ANK2: variants seen among roughly 807,000 people sequenced by gnomAD.
ANK2 encodes the protein ankyrin-2.
ANK2 carries 83 observed loss-of-function variants against 360.5 expected under a neutral mutation model. The observed-to-expected ratio is 0.23, with a 90% CI of 0.19 to 0.28. The LOEUF (loss-of-function observed/expected upper bound fraction) is 0.28. Ranked by LOEUF, ANK2 falls within the 10% of genes least tolerant of loss-of-function variation. The pLI is 1.00. For synonymous variants in ANK2, 1,740 were observed against 1,759.5 expected (o/e 0.99, Z 0.28); for missense variants, 4,201 against 4,795.7 (o/e 0.88, Z 3.66).
chr4:113,252,595 C>T (rs1246359220), intron 10 of ANK2, among the ~76,000 whole-genome samples: 1 of 152,140 alleles, frequency 6.6e-6, no homozygotes, highest in East Asian at 1.9e-4. Flanking sequence ...CTGTGTCTAA[C>T]TTCACACTTG....
rs2097753505 is a variant in ANK2 at position 113,166,249 on chromosome 4, A to G, written c.85-8167A>G. Among the ~76,000 whole-genome samples the G allele has an allele frequency of 2.0e-5, 3 of 152,236 alleles. No homozygotes were observed. The South Asian group carries it at 6.2e-4, about 32-fold the overall frequency. On this transcript the variant is annotated intron_variant, in intron 1 of 45. Coordinates refer to ENST00000357077, the MANE Select transcript of ANK2 (RefSeq NM_001148.6). The stretch of plus-strand genomic sequence containing the variant: ...TGAAAGATTTTGTTGCCTCATTGTC[A>G]TTAACATTTTAGTAACTGGCATAGT...
At position 113,105,347 on chromosome 4, in the gene ANK2, A is replaced by G. The variant is rs563576397; in HGVS notation, c.84+55535A>G. 2.6e-5 allele frequency among the ~76,000 whole-genome samples: 4 copies of G among 152,266 alleles called. No individual in the cohort carries two copies. In the South Asian group the frequency reaches 8.3e-4, roughly 32 times the overall value. ...GTCAGTATCAAGTGGTGAGGATAGG[A>G]AAGTTGAAGAGACTGTGGACCAGGC... On this transcript the variant is annotated intron_variant, in intron 1 of 45. Coordinates refer to ENST00000357077, the MANE Select transcript of ANK2 (RefSeq NM_001148.6).
chr4:112,853,041 T>C (rs28405251), intron 1 of ANK2, among the ~76,000 whole-genome samples: 11,349 of 152,204 alleles, frequency 0.075, 642 homozygotes, highest in African/African-American at 0.16. Context: ...CGCTACAGCC[T>C]CAACTGCAAA....
At chr4:112,878,446 C>T (rs1395203027) in intron 1 of ANK2, among the ~76,000 whole-genome samples, 1 of 152,166 alleles carries the variant, frequency 6.6e-6, no homozygotes, top group East Asian at 1.9e-4. Flanking sequence ...CCTGCCTCAG[C>T]CTCCCGAGTA....
chr4:113,094,417 A>G (rs1237777307), intron 1 of ANK2, among the ~76,000 whole-genome samples: 3 of 152,218 alleles, frequency 2.0e-5, no homozygotes, highest in Non-Finnish European at 2.9e-5. Flanking sequence ...ACAAATTTTG[A>G]TACTTATCTG....
rs768496678 is a variant in ANK2 at position 113,274,515 on chromosome 4, C to T, written c.1549C>T (p.Leu517=). Residue 517 remains leucine (L), a synonymous_variant, in exon 15 of 46, where the codon CTA becomes TTA. Transcript: ENST00000357077. The part of the protein sequence containing the change: ...LGKTEIVQLL[L]QHMAHPDAAT... The stretch of plus-strand genomic sequence containing the variant: ...TAAGACAGAAATTGTCCAGCTGCTT[C>T]TACAACATATGGCTCATCCAGATGC... 4.3e-6 allele frequency: 7 copies of T among 1,614,226 alleles called. No individual in the cohort carries two copies. The highest frequency in any genetic ancestry group is 5.9e-6 in the Non-Finnish European group (7 of 1,180,042).
intron 26 of ANK2, among the ~76,000 whole-genome samples, chr4:113,329,658 A>G (rs1324685608): frequency 6.6e-6 from 1 of 152,210 alleles, no homozygotes; most frequent in Non-Finnish European, 1.5e-5. Flanking sequence ...TCAATAAGTT[A>G]AAAAGTACAT....
intron 2 of ANK2, among the ~76,000 whole-genome samples, chr4:113,184,608 T>A (rs1169686426): frequency 1.3e-5 from 2 of 152,140 alleles, no homozygotes; most frequent in Admixed American, 1.3e-4. Flanking sequence ...TCCTGGTTAT[T>A]TTCTTTGTGC....
the ANK2 span, among the ~76,000 whole-genome samples, chr4:112,720,652 C>T: frequency 6.6e-6 from 1 of 152,126 alleles, no homozygotes. Context: ...ATAACAGGTG[C>T]TCAATGAATA....
chr4:113,316,525 T>A (rs2083068822), intron 24 of ANK2, among the ~76,000 whole-genome samples: 1 of 152,216 alleles, frequency 6.6e-6, no homozygotes, highest in Non-Finnish European at 1.5e-5. Flanking sequence ...TAATTTAACA[T>A]TTAGTCCATA....
chr4:113,140,659 T>A (rs1454887516), intron 1 of ANK2, among the ~76,000 whole-genome samples: 7 of 152,176 alleles, frequency 4.6e-5, no homozygotes, highest in Non-Finnish European at 8.8e-5. Flanking sequence ...TCAGTCTTTT[T>A]AATATGATAG....
At chr4:113,030,367 C>T (rs2060140708) in intron 2 of ANK2, among the ~76,000 whole-genome samples, 2 of 152,080 alleles carry the variant, frequency 1.3e-5, no homozygotes, top group Non-Finnish European at 2.9e-5. Context: ...TTTTCCGTAG[C>T]TCAATTCCTT....
chr4:112,972,433 A>C (rs1313112290), intron 2 of ANK2, among the ~76,000 whole-genome samples: 5 of 151,844 alleles, frequency 3.3e-5, no homozygotes, highest in Admixed American at 3.3e-4. Flanking sequence ...ATTATGTAAA[A>C]TTTTCTGTGC....
At chr4:113,251,289 T>G (rs776477195) in intron 10 of ANK2, among the ~76,000 whole-genome samples, 10 of 152,090 alleles carry the variant, frequency 6.6e-5, no homozygotes, top group Non-Finnish European at 1.2e-4. Context: ...TGGATGGAAT[T>G]TTTTTAATGT....
At chr4:113,248,878 T>TA (rs1433410970) in intron 9 of ANK2, among the ~76,000 whole-genome samples, 1 of 152,208 alleles carries the variant, frequency 6.6e-6, no homozygotes, top group Non-Finnish European at 1.5e-5. Context: ...CCAGTAAATT[T>TA]AAGCACTCAG....
chr4:112,857,123 A>G (rs893606871), intron 1 of ANK2, among the ~76,000 whole-genome samples: 1 of 152,178 alleles, frequency 6.6e-6, no homozygotes, highest in African/African-American at 2.4e-5. Context: ...GCAAAGATGG[A>G]GTCAAAGATG....
At chr4:112,915,882 G>C (rs1295974143) in intron 2 of ANK2, among the ~76,000 whole-genome samples, 3 of 151,622 alleles carry the variant, frequency 2.0e-5, no homozygotes, top group African/African-American at 4.8e-5. Flanking sequence ...AATTTGCTTA[G>C]TATAATTATT....
At position 113,348,307 on chromosome 4, in the gene ANK2, A is replaced by G. The variant is rs2095105943; in HGVS notation, c.4403A>G (p.Glu1468Gly). The G allele has an allele frequency of 6.2e-7, 1 of 1,613,178 alleles. No homozygotes were observed. Among genetic ancestry groups the G allele is most frequent in the Admixed American group, 1.7e-5 (1 of 59,940 alleles). The stretch of plus-strand genomic sequence containing the variant: ...GAGTCAGATCAAGAACAGGAGGAAG[A>G]GGTAATTTTATGACAGTGTCACTTG... ...ESESDQEQEE[E>G]IDMTSEKNDE... Residue 1468 changes from glutamate (E) to glycine (G), a missense_variant and splice_region_variant, in exon 36 of 46, where the codon GAG becomes GGG. Coordinates refer to ENST00000357077, the MANE Select transcript of ANK2 (RefSeq NM_001148.6).
chr4:112,909,928 A>G (rs565799141), intron 2 of ANK2, among the ~76,000 whole-genome samples: 1 of 152,344 alleles, frequency 6.6e-6, no homozygotes, highest in South Asian at 2.1e-4. Flanking sequence ...TAGAAATGCT[A>G]GTAATTCTCT....
Sources: gnomAD v4.1 joint callset for allele counts (sites outside exome capture counted in the v4.1 genomes callset) on GRCh38, gnomAD v4.1.1 for gene constraint, MANE v1.5 for transcripts, NCBI Gene and HGNC (gene_info 2026-07-23, HGNC 2026-07-21) for gene names.